KRTAP5-3: variants seen among roughly 807,000 people sequenced by gnomAD.
KRTAP5-3 encodes the protein keratin associated protein 5-3.
In KRTAP5-3, 1 loss-of-function variant was observed where a neutral mutation model predicts 2.3. That is an observed-to-expected ratio of 0.44 (90% CI 0.16 to 2.10). The LOEUF (loss-of-function observed/expected upper bound fraction) is 2.10. Among genes scored for constraint, KRTAP5-3 ranks in the 30% most tolerant of loss-of-function variants. The pLI is 0.28. For synonymous variants in KRTAP5-3, 92 were observed against 117.6 expected, an observed-to-expected ratio of 0.78 and a Z score of 1.41; for missense variants, 229 against 291.4, an observed-to-expected ratio of 0.79 and a Z score of 1.56.
At position 1,608,008 on chromosome 11, in the gene KRTAP5-3, G is replaced by T; in HGVS notation, c.378C>A (p.Cys126Ter). Residue 126 changes from cysteine (C) to a stop codon, truncating the protein, a stop_gained, in exon 1 of 1, where the codon TGC becomes TGA. Coordinates refer to ENST00000399685, the MANE Select transcript of KRTAP5-3 (RefSeq NM_001012708.2). LOFTEE classifies it low-confidence loss of function (END_TRUNC). The stretch of plus-strand genomic sequence containing the variant: ...AGGGCTTATAGCAGCTGCACTGGGA[G>T]CAGCCACAAGAACCGCAGCCCCCCT... ...GSKGGCGSCG[C>*]SQCSCYKPCC... 6.2e-7 allele frequency: 1 copy of T among 1,613,118 alleles called. No homozygotes were observed. The highest frequency in any genetic ancestry group is 1.1e-5 in the South Asian group (1 of 91,056).
Position 1,608,440 on chromosome 11 carries a change from G to A in KRTAP5-3, c.-55C>T. On this transcript the variant is annotated 5_prime_UTR_variant, in exon 1 of 1. Coordinates refer to ENST00000399685, the MANE Select transcript of KRTAP5-3 (RefSeq NM_001012708.2). ...AGAGGAGCAGGTGAGAGGGAGGTGT[G>A]CAGGTGTGGAGTTCTCTGAGCCCGG... 6.3e-7 allele frequency: 1 copy of A among 1,594,886 alleles called. No individual in the cohort carries two copies. Among genetic ancestry groups the A allele is most frequent in the Non-Finnish European group, 8.5e-7 (1 of 1,170,322 alleles).
In KRTAP5-3 at chr11:1,608,086, G is replaced by A. The variant is rs1257175186; in HGVS notation, c.300C>T (p.Ser100=). ...CCTTGGAACCCCCACAGGAGCCACA[G>A]CTGGAGGAGCAGCAGACGGGCACAC... ...SCCVPVCCSS[S]CGSCGGSKGV... Residue 100 remains serine (S), a synonymous_variant, in exon 1 of 1, where the codon AGC becomes AGT. Coordinates refer to ENST00000399685, the MANE Select transcript of KRTAP5-3 (RefSeq NM_001012708.2). The A allele has an allele frequency of 6.9e-6, 11 of 1,604,214 alleles. No homozygotes were observed. Among genetic ancestry groups the A allele is most frequent in the Non-Finnish European group, 7.6e-6 (9 of 1,178,304 alleles).
Position 1,608,192 on chromosome 11 carries a change from C to T in KRTAP5-3, c.194G>A (p.Gly65Glu). The change falls in exon 1 of 1, where the codon GGG (glycine) becomes GAG (glutamate). Residue 65 changes from glycine (G) to glutamate (E), a missense_variant. By Grantham distance (98) the Gly-to-Glu change is moderately conservative. Coordinates refer to ENST00000399685, the MANE Select transcript of KRTAP5-3 (RefSeq NM_001012708.2). Reference protein sequence around the residue: ...SSCGSCGGSKGVCGSCGGCKG... With the variant: ...SSCGSCGGSKEVCGSCGGCKG... ...GCAGCCCCCACAAGAGCCACAGACCCCCTTGGAGCCCCCACAGGAGCCACA... is the reference window on the plus strand; with the variant it reads ...GCAGCCCCCACAAGAGCCACAGACCTCCTTGGAGCCCCCACAGGAGCCACA... 1 of 1,607,016 alleles carries T rather than the reference C, an allele frequency of 6.2e-7. No individual in the cohort carries two copies. The highest frequency in any genetic ancestry group is 2.2e-5 in the East Asian group (1 of 44,588).
rs759998694 is a variant in KRTAP5-3 at position 1,608,003 on chromosome 11, T to G, written c.383A>C (p.Gln128Pro). Residue 128 changes from glutamine (Q) to proline (P), a missense_variant, in exon 1 of 1, where the codon CAG becomes CCG. Transcript: ENST00000399685. ...GCAGCAGGGCTTATAGCAGCTGCAC[T>G]GGGAGCAGCCACAAGAACCGCAGCC... ...KGGCGSCGCS[Q>P]CSCYKPCCCS... 6.2e-7 allele frequency: 1 copy of G among 1,613,488 alleles called. No homozygotes were observed. The highest frequency in any genetic ancestry group is 2.2e-5 in the East Asian group (1 of 44,868).
Position 1,607,899 on chromosome 11 carries a change from G to T in KRTAP5-3, c.487C>A (p.Pro163Thr). 6.2e-7 allele frequency: 1 copy of T among 1,610,772 alleles called. No homozygotes were observed. Among genetic ancestry groups the T allele is most frequent in the Non-Finnish European group, 8.5e-7 (1 of 1,178,132 alleles). The change falls in exon 1 of 1, where the codon CCC (proline) becomes ACC (threonine). Residue 163 changes from proline (P) to threonine (T), a missense_variant. By Grantham distance (38) the Pro-to-Thr change is conservative (BLOSUM62 -1). Coordinates refer to ENST00000399685, the MANE Select transcript of KRTAP5-3 (RefSeq NM_001012708.2). Reference sequence around the variant, plus strand: ...CAGCAGCTGGACTGGGAACAGCAGGGCTTACAGCAGCTGGACTGGGAGCAG... The same window carrying T: ...CAGCAGCTGGACTGGGAACAGCAGGTCTTACAGCAGCTGGACTGGGAGCAG... ...PSCSQSSCCK[P>T]CCSQSSCCKP...
At position 1,607,940 on chromosome 11, in the gene KRTAP5-3, C is replaced by G. The variant is rs202181810; in HGVS notation, c.446G>C (p.Ser149Thr). Reference protein sequence around the residue: ...SGCGSSCCQSSCCKPSCSQSS... With the variant: ...SGCGSSCCQSTCCKPSCSQSS... ...CTGGGAGCAGCTGGGCTTGCAGCAG[C>G]TGGACTGGCAGCAGGATGACCCACA... is the stretch of plus-strand genomic sequence containing the variant. Residue 149 changes from serine to threonine, a missense_variant, in exon 1 of 1, where the codon AGC becomes ACC. This residue lies in a region of KRTAP5-3 where 190 missense variants were observed against 207.6 expected (regional missense o/e 0.92). Transcript: ENST00000399685. 6.2e-6 allele frequency: 10 copies of G among 1,613,830 alleles called. No individual in the cohort carries two copies. Among genetic ancestry groups the G allele is most frequent in the Non-Finnish European group, 7.6e-6 (9 of 1,179,912 alleles).
Position 1,608,261 on chromosome 11 carries a change from C to T in KRTAP5-3, c.125G>A (p.Cys42Tyr). ...TGGCACACAGCAGCACACGGGCTTG[C>T]AGCAGCAGACAGGTACACAGCAGCC... is the stretch of plus-strand genomic sequence containing the variant. Reference protein sequence around the residue: ...GSGCCVPVCCCKPVCCCVPAC... With the variant: ...GSGCCVPVCCYKPVCCCVPAC... Residue 42 changes from cysteine to tyrosine, a missense_variant, in exon 1 of 1, where the codon TGC (cysteine) becomes TAC (tyrosine). Cys to Tyr is a radical substitution (Grantham distance 194). Coordinates refer to ENST00000399685, the MANE Select transcript of KRTAP5-3 (RefSeq NM_001012708.2). 1 of 1,610,432 alleles carries T rather than the reference C, an allele frequency of 6.2e-7. No homozygotes were observed.
rs534182322 is a variant in KRTAP5-3, at chr11:1,607,567, G to A, written c.*102C>T. On this transcript the variant is annotated 3_prime_UTR_variant, in exon 1 of 1. Coordinates refer to ENST00000399685, the MANE Select transcript of KRTAP5-3 (RefSeq NM_001012708.2). ...GACGCTAGGCTGCCTTAGTCCAGAG[G>A]AGGACAGATTCAGAGACGTGCTTCA... 12 of 1,591,330 alleles carry A rather than the reference G, an allele frequency of 7.5e-6. No homozygotes were observed. Among genetic ancestry groups the A allele is most frequent in the Admixed American group, 5.1e-5 (3 of 59,164 alleles).
rs1187313631 is a variant in KRTAP5-3 at position 1,608,453 on chromosome 11, T to A, written c.-68A>T. On this transcript the variant is annotated 5_prime_UTR_variant, in exon 1 of 1. Coordinates refer to ENST00000399685, the MANE Select transcript of KRTAP5-3 (RefSeq NM_001012708.2). ...AGAGGGAGGTGTGCAGGTGTGGAGT[T>A]CTCTGAGCCCGGGCTCTTTATATTC... The A allele has an allele frequency of 1.5e-5, 23 of 1,584,916 alleles. No individual in the cohort carries two copies. In the East Asian group the frequency reaches 4.9e-4, roughly 34 times the overall value.
In KRTAP5-3 at chr11:1,608,181, A is replaced by T. The variant is rs1849437942; in HGVS notation, c.205T>A (p.Ser69Thr). The T allele has an allele frequency of 7.5e-7, 1 of 1,338,774 alleles. No homozygotes were observed. The allele number at this position is 1,338,774 out of a possible 1,614,324, so 82.9% of individuals were successfully genotyped here. ...SCGGSKGVCG[S>T]CGGCKGGCGS... ...CAGCCCCCCTTGCAGCCCCCACAAG[A>T]GCCACAGACCCCCTTGGAGCCCCCA... The change falls in exon 1 of 1, where the codon TCT becomes ACT. Residue 69 changes from serine to threonine, a missense_variant. By Grantham distance (58) the Ser-to-Thr change is moderately conservative (BLOSUM62 1). Coordinates refer to ENST00000399685, the MANE Select transcript of KRTAP5-3 (RefSeq NM_001012708.2).
rs1849443552 is a variant in KRTAP5-3 at position 1,608,441 on chromosome 11, C to A, written c.-56G>T. On this transcript the variant is annotated 5_prime_UTR_variant, in exon 1 of 1. Transcript: ENST00000399685. ...GAGGAGCAGGTGAGAGGGAGGTGTG[C>A]AGGTGTGGAGTTCTCTGAGCCCGGG... 1.4e-5 allele frequency: 22 copies of A among 1,595,238 alleles called. No homozygotes were observed. In the East Asian group the frequency reaches 4.7e-4, roughly 34 times the overall value.
Position 1,607,794 on chromosome 11 carries a change from T to G in KRTAP5-3, c.592A>C (p.Ser198Arg), listed in dbSNP as rs144204766. Residue 198 changes from serine to arginine, a missense_variant, in exon 1 of 1, where the codon AGC (serine) becomes CGC (arginine). By Grantham distance (110) the Ser-to-Arg change is moderately radical. This residue lies in a region of KRTAP5-3 where 39 missense variants were observed against 83.8 expected (regional missense o/e 0.47). Coordinates refer to ENST00000399685, the MANE Select transcript of KRTAP5-3 (RefSeq NM_001012708.2). ...SCCKPCCSQS[S>R]CCKPCCCSSG... Reference sequence around the variant, plus strand: ...GAGCAGCAGCAGGGCTTACAGCAGCTGGACTGGGAACAGCAGGGTTTGCAG... The same window carrying G: ...GAGCAGCAGCAGGGCTTACAGCAGCGGGACTGGGAACAGCAGGGTTTGCAG... The G allele has an allele frequency of 2.3e-5, 36 of 1,557,956 alleles. No homozygotes were observed. The African/African-American group carries it at 4.1e-4, about 18-fold the overall frequency.
Position 1,607,748 on chromosome 11 carries a change from C to T in KRTAP5-3, c.638G>A (p.Cys213Tyr), listed in dbSNP as rs1203557598. The T allele has an allele frequency of 6.4e-7, 1 of 1,572,294 alleles. No individual in the cohort carries two copies. Among genetic ancestry groups the T allele is most frequent in the East Asian group, 2.3e-5 (1 of 42,704 alleles). ...GGGCTTGCAGCAGCTGGACTGGCAG[C>T]AGGATGACCCACAGCCTGAGGAGCA... The part of the protein sequence containing the change: ...CCCSSGCGSS[C>Y]CQSSCCKPCS... Residue 213 changes from cysteine to tyrosine, a missense_variant, in exon 1 of 1, where the codon TGC becomes TAC. Around this residue, in one of 2 missense-constraint regions of KRTAP5-3, gnomAD observed 39 missense variants for 83.8 expected, o/e 0.47. Transcript: ENST00000399685.
At position 1,608,032 on chromosome 11, in the gene KRTAP5-3, C is replaced by A; in HGVS notation, c.354G>T (p.Lys118Asn). 2 of 1,612,288 alleles carry A rather than the reference C, an allele frequency of 1.2e-6. No homozygotes were observed. Among genetic ancestry groups the A allele is most frequent in the Non-Finnish European group, 8.5e-7 (1 of 1,179,396 alleles). ...AGCAGCCACAAGAACCGCAGCCCCC[C>A]TTGGAGCCCCCACGAAATCCACAGA... ...KGVCGFRGGS[K>N]GGCGSCGCSQ... Residue 118 changes from lysine (K) to asparagine (N), a missense_variant, in exon 1 of 1, where the codon AAG (lysine) becomes AAT (asparagine). Around this residue, in one of 2 missense-constraint regions of KRTAP5-3, gnomAD observed 190 missense variants for 207.6 expected, o/e 0.92. Transcript: ENST00000399685.
rs1300947110 is a variant in KRTAP5-3, at chr11:1,608,249, C to T, written c.137G>A (p.Cys46Tyr). The change falls in exon 1 of 1, where the codon TGC (cysteine) becomes TAC (tyrosine). Residue 46 changes from cysteine (C) to tyrosine (Y), a missense_variant. Cys to Tyr is a radical substitution (Grantham distance 194). Coordinates refer to ENST00000399685, the MANE Select transcript of KRTAP5-3 (RefSeq NM_001012708.2). Reference protein sequence around the residue: ...CVPVCCCKPVCCCVPACSCSS... With the variant: ...CVPVCCCKPVYCCVPACSCSS... Reference sequence around the variant, plus strand: ...GCAGGAACAGGCTGGCACACAGCAGCACACGGGCTTGCAGCAGCAGACAGG... The same window carrying T: ...GCAGGAACAGGCTGGCACACAGCAGTACACGGGCTTGCAGCAGCAGACAGG... The T allele has an allele frequency of 1.2e-6, 2 of 1,611,240 alleles. No individual in the cohort carries two copies. The highest frequency in any genetic ancestry group is 1.7e-6 in the Non-Finnish European group (2 of 1,179,694).
In KRTAP5-3 at chr11:1,608,338, G is replaced by A. The variant is rs544045928; in HGVS notation, c.48C>T (p.Gly16=). The A allele has an allele frequency of 5.6e-6, 9 of 1,612,586 alleles. No individual in the cohort carries two copies. The South Asian group carries it at 7.7e-5, about 14-fold the overall frequency. The change falls in exon 1 of 1, where the codon GGC becomes GGT. Residue 16 remains glycine, a synonymous_variant. Coordinates refer to ENST00000399685, the MANE Select transcript of KRTAP5-3 (RefSeq NM_001012708.2). ...CACAGCCCCCACAGCTGGAGCCACA[G>A]CCCCCACAGCTGGAGCCACAGCCTC... ...CSGGCGSSCG[G]CGSSCGGCGS...
chr11:1,608,132 C>CA lies in KRTAP5-3; in HGVS notation c.253_254insT (p.Gly85ValfsTer49), dbSNP rs1849436364. On this transcript the variant is annotated frameshift_variant, in exon 1 of 1. Coordinates refer to ENST00000399685, the MANE Select transcript of KRTAP5-3 (RefSeq NM_001012708.2). LOFTEE classifies it low-confidence loss of function (END_TRUNC). ...CACACAGCAGCTGGAGCCACAGCCC[C>CA]CCTTGGAGCCTCCACAGGAGCCACA... 1 of 1,604,840 alleles carries CA rather than the reference C, an allele frequency of 6.2e-7. No homozygotes were observed.
In KRTAP5-3 at chr11:1,608,252, A is replaced by G; in HGVS notation, c.134T>C (p.Val45Ala). 6.8e-7 allele frequency: 1 copy of G among 1,475,716 alleles called. No individual in the cohort carries two copies. The highest frequency in any genetic ancestry group is 9.1e-7 in the Non-Finnish European group (1 of 1,098,978). 91.4% of individuals were successfully genotyped at this position (1,475,716 alleles called of 1,614,324 possible). ...CCVPVCCCKPVCCCVPACSCS... is the reference protein window; with the variant it reads ...CCVPVCCCKPACCCVPACSCS... ...GGAACAGGCTGGCACACAGCAGCAC[A>G]CGGGCTTGCAGCAGCAGACAGGTAC... Residue 45 changes from valine to alanine, a missense_variant, in exon 1 of 1, where the codon GTG becomes GCG. Transcript: ENST00000399685.
Position 1,608,425 on chromosome 11 carries a change from G to C in KRTAP5-3, c.-40C>G, listed in dbSNP as rs1464613986. ...GAGGGTGGAGCAGGTAGAGGAGCAG[G>C]TGAGAGGGAGGTGTGCAGGTGTGGA... is the stretch of plus-strand genomic sequence containing the variant. On this transcript the variant is annotated 5_prime_UTR_variant, in exon 1 of 1. Transcript: ENST00000399685. 1 of 1,604,732 alleles carries C rather than the reference G, an allele frequency of 6.2e-7. No individual in the cohort carries two copies. The highest frequency in any genetic ancestry group is 2.2e-5 in the East Asian group (1 of 44,824).
Sources: gnomAD v4.1 joint callset for allele counts on GRCh38, gnomAD v4.1.1 for gene constraint, gnomAD v4.1.1 regional missense constraint, MANE v1.5 for transcripts, NCBI Gene and HGNC (gene_info 2026-07-23, HGNC 2026-07-21) for gene names.